The following SULT1A1 variants were observed in gnomAD, a reference collection of about 807,000 sequenced individuals.
SULT1A1 encodes the protein sulfotransferase family 1A member 1.
SULT1A1 carries 35 observed loss-of-function variants against 36.8 expected under a neutral mutation model. The observed-to-expected ratio is 0.95, with a 90% CI of 0.73 to 1.26. The LOEUF is 1.26. SULT1A1 is among the 50% of genes most tolerant of loss of function. SULT1A1 has a pLI of 0.00. For synonymous variants in SULT1A1, 119 were observed against 146.0 expected (o/e 0.82, Z 1.33); for missense variants, 309 against 383.0 (o/e 0.81, Z 1.61).
At chr16:28,611,346 T>C (rs2047446034), upstream of SULT1A1, 1 of 152,084 alleles carries the variant, frequency 6.6e-6, no homozygotes, top group Non-Finnish European at 1.5e-5. Context: ...AGGACCAAGC[T>C]GGCTACGACC....
chr16:28,622,247 C>G (rs550007918), intron 1 of SULT1A1, among the ~76,000 whole-genome samples: 2 of 152,216 alleles, frequency 1.3e-5, no homozygotes, highest in East Asian at 3.9e-4. Context: ...CTTTCTTGTG[C>G]CAAGTAAAAC....
Position 28,623,269 on chromosome 16 carries a change from A to G in SULT1A1, c.-72T>C, listed in dbSNP as rs545179311. ...CACACGTAGTTGAAGTTGGCGTGGA[A>G]GGTCACCACCAACGTGGCCACGCGC... On this transcript the variant is annotated 5_prime_UTR_variant, in exon 1 of 6. Coordinates refer to the SULT1A1 transcript ENST00000350842. 75 of 1,544,054 alleles carry G rather than the reference A, an allele frequency of 4.9e-5. 1 individual carries two copies. The Middle Eastern group carries it at 8.4e-4, about 17-fold the overall frequency.
rs187567077 is a variant in SULT1A1, at chr16:28,609,464, G to A, written c.-5+467C>T. On this transcript the variant is annotated intron_variant, in intron 1 of 7. Transcript: ENST00000314752. ...CTGTGGGAATGAACAAAACTCTGAT[G>A]ACTCAGCAAAAGCACAGGCCTAGGC... The A allele has an allele frequency of 3.6e-5, 44 of 1,209,934 alleles. 1 individual carries two copies. The highest frequency in any genetic ancestry group is 2.0e-4 in the South Asian group (16 of 79,536). 74.9% of individuals were successfully genotyped at this position (1,209,934 alleles called of 1,614,324 possible).
intron 4 of SULT1A1, chr16:28,607,304 C>G (rs183647289): frequency 1.3e-6 from 1 of 742,538 alleles, no homozygotes; most frequent in Non-Finnish European, 2.1e-6. Context: ...TGCATCAATG[C>G]GTCACACCCC....
At chr16:28,622,982 C>G in intron 1 of SULT1A1, 1 of 1,110,002 alleles carries the variant, frequency 9.0e-7, no homozygotes, top group Non-Finnish European at 1.3e-6. Flanking sequence ...CTTCAGGCCT[C>G]TGAAGCAGCT....
chr16:28,623,200 C>G (rs536585393), exon 1 of SULT1A1: 72 of 1,546,382 alleles, frequency 4.7e-5, no homozygotes, highest in Non-Finnish European at 6.1e-5. Flanking sequence ...GCCAGCATGG[C>G]GCGCGGCGCT....
At chr16:28,618,183 G>A (rs979781718) in intron 2 of SULT1A1, among the ~76,000 whole-genome samples, 8 of 151,446 alleles carry the variant, frequency 5.3e-5, no homozygotes, top group Non-Finnish European at 7.4e-5. Flanking sequence ...GACAACAGAC[G>A]CTTGCCACTA....
intron 1 of SULT1A1, chr16:28,609,158 T>C (rs1215123031): frequency 1.1e-5 from 15 of 1,380,218 alleles, no homozygotes; most frequent in Non-Finnish European, 1.2e-5. Flanking sequence ...TGTCAGGGTG[T>C]GTGAAGGTCT....
upstream of SULT1A1, chr16:28,610,929 G>A (rs778282783): frequency 6.6e-6 from 1 of 151,980 alleles, no homozygotes; most frequent in Non-Finnish European, 1.5e-5. Flanking sequence ...AGACTTCCAA[G>A]AAATGCGTGA....
At chr16:28,608,149 G>A (rs1348798984) in intron 4 of SULT1A1, 142 bp downstream of exon 4, 62 of 1,236,464 alleles carry the variant, frequency 5.0e-5, no homozygotes, top group South Asian at 2.1e-4. Context: ...CACCACACCC[G>A]GCTAATTTTG....
intron 2 of SULT1A1, among the ~76,000 whole-genome samples, chr16:28,617,483 T>G (rs979219716): frequency 1.3e-5 from 2 of 152,164 alleles, no homozygotes; most frequent in Non-Finnish European, 2.9e-5. Context: ...TTTATATGGT[T>G]TTTTGGGTAT....
exon 1 of SULT1A1, chr16:28,623,337 T>C (rs2047696271): frequency 2.0e-6 from 3 of 1,509,012 alleles, no homozygotes; most frequent in East Asian, 4.9e-5. Flanking sequence ...CAGCCGTTGC[T>C]GCAGCACGTC....
chr16:28,620,011 G>A (rs371020361), intron 2 of SULT1A1: 80 of 1,394,296 alleles, frequency 5.7e-5, no homozygotes, highest in Non-Finnish European at 6.9e-5. Flanking sequence ...GTGTGTGTGT[G>A]TATATACACA....
intron 5 of SULT1A1, 46 bp downstream of exon 5, chr16:28,606,905 C>G (rs747947906): frequency 6.2e-7 from 1 of 1,612,378 alleles, no homozygotes; most frequent in Non-Finnish European, 8.5e-7. Flanking sequence ...TGCGTTGTAG[C>G]CACCACCCCT....
At chr16:28,623,120 C>A (rs761061758) in intron 1 of SULT1A1, 1 of 1,528,266 alleles carries the variant, frequency 6.5e-7, no homozygotes, top group East Asian at 2.5e-5. Flanking sequence ...GTTCCCCCCC[C>A]GGCCCCTCAC....
intron 1 of SULT1A1, among the ~76,000 whole-genome samples, chr16:28,622,218 G>A (rs1181923746): frequency 6.8e-6 from 1 of 147,324 alleles, no homozygotes; most frequent in African/African-American, 2.7e-5. Context: ...CTACTTGGGA[G>A]AATATGCCCA....
At chr16:28,622,071 G>A (rs1048725016) in intron 1 of SULT1A1, among the ~76,000 whole-genome samples, 1 of 152,190 alleles carries the variant, frequency 6.6e-6, no homozygotes, top group African/African-American at 2.4e-5. Flanking sequence ...AGAAGCTATA[G>A]CTTCATGACT....
At chr16:28,610,262 CTGTTTTTT>C (rs2047398050), upstream of SULT1A1, 9 of 239,966 alleles carry the variant, frequency 3.8e-5, no homozygotes, top group Non-Finnish European at 4.3e-5. Context: ...TTTTTTTTTT[CTGTTTTTT>C]TTTTTTTTTT....
chr16:28,605,520 C>A lies in SULT1A1; in HGVS notation c.*301G>T. 2.0e-6 allele frequency: 1 copy of A among 496,184 alleles called. No homozygotes were observed. Among genetic ancestry groups the A allele is most frequent in the South Asian group, 2.1e-5 (1 of 46,660 alleles). The allele number at this position is 496,184 out of a possible 1,614,324, so 30.7% of individuals were successfully genotyped here. On this transcript the variant is annotated 3_prime_UTR_variant, in exon 8 of 8. Transcript: ENST00000314752. ...CTCCTGTCCTCCAGTGATCCTCTAG[C>A]CTCAACTTCTCAAATTGCTGGGATT...
Sources: allele counts gnomAD v4.1 joint callset (sites outside exome capture counted in the v4.1 genomes callset), GRCh38; gene constraint gnomAD v4.1.1; transcripts MANE v1.5; gene names NCBI Gene and HGNC (gene_info 2026-07-23, HGNC 2026-07-21).